UGT2B7: variants seen among roughly 807,000 people sequenced by gnomAD.
The protein encoded by UGT2B7 is UDP glucuronosyltransferase family 2 member B7.
A neutral mutation model predicts 51.9 loss-of-function variants in UGT2B7; 51 were observed. The ratio of observed to expected loss-of-function variants is 0.98; its 90% CI spans 0.78 to 1.24. The LOEUF is 1.24. UGT2B7 is among the 50% of genes most tolerant of loss of function. The pLI, the probability that UGT2B7 is intolerant of heterozygous loss-of-function variation, is 0.00. For synonymous variants in UGT2B7, 225 were observed against 211.6 expected, an observed-to-expected ratio of 1.06 and a Z score of -0.55; for missense variants, 727 against 628.4, an observed-to-expected ratio of 1.16 and a Z score of -1.68.
upstream of UGT2B7, chr4:69,096,449 A>G (rs1719223240): frequency 1.9e-6 from 3 of 1,593,982 alleles, no homozygotes; most frequent in Non-Finnish European, 2.6e-6. Context: ...TGGCTAATTT[A>G]TCTTTGGACA....
chr4:69,085,022 C>A (rs1291848479), intron 1 of UGT2B7, among the ~76,000 whole-genome samples: 1 of 152,068 alleles, frequency 6.6e-6, no homozygotes, highest in Non-Finnish European at 1.5e-5. Flanking sequence ...ATTTATAGTT[C>A]TAGATCCTTG....
In UGT2B7 at chr4:69,096,885, T is replaced by A; in HGVS notation, c.365T>A (p.Ile122Lys). 1 of 1,613,120 alleles carries A rather than the reference T, an allele frequency of 6.2e-7. No homozygotes were observed. Among genetic ancestry groups the A allele is most frequent in the Non-Finnish European group, 8.5e-7 (1 of 1,179,730 alleles). ...VQEIMSIFGD[I>K]TRKFCKDVVS... Reference sequence around the variant, plus strand: ...GAAATCATGTCAATATTTGGTGACATAACTAGAAAGTTCTGTAAAGATGTA... The same window carrying A: ...GAAATCATGTCAATATTTGGTGACAAAACTAGAAAGTTCTGTAAAGATGTA... The change falls in exon 1 of 6, where the codon ATA (isoleucine) becomes AAA (lysine). Residue 122 changes from isoleucine to lysine, a missense_variant. By Grantham distance (102) the Ile-to-Lys change is moderately radical. Transcript: ENST00000305231.
intron 1 of UGT2B7, among the ~76,000 whole-genome samples, chr4:69,063,504 C>A (rs1432588508): frequency 6.6e-6 from 1 of 152,078 alleles, no homozygotes. Context: ...GTTAGACTTG[C>A]TGGCCCAGCA....
chr4:69,055,808 G>C (rs1718178004), intron 1 of UGT2B7, among the ~76,000 whole-genome samples: 1 of 152,162 alleles, frequency 6.6e-6, no homozygotes, highest in Non-Finnish European at 1.5e-5. Flanking sequence ...TTATTAGACA[G>C]TATTGCATAT....
At chr4:69,056,231 C>T (rs1312258776) in intron 1 of UGT2B7, among the ~76,000 whole-genome samples, 1 of 152,194 alleles carries the variant, frequency 6.6e-6, no homozygotes, top group Non-Finnish European at 1.5e-5. Context: ...TCATACAATA[C>T]TATGGACCTG....
At chr4:69,071,433 A>G (rs1362044240) in intron 1 of UGT2B7, among the ~76,000 whole-genome samples, 4 of 152,158 alleles carry the variant, frequency 2.6e-5, no homozygotes. Context: ...AAAACATAGT[A>G]AATGGCAAAA....
intron 1 of UGT2B7, among the ~76,000 whole-genome samples, chr4:69,087,697 G>A (rs1307225578): frequency 1.4e-5 from 2 of 145,878 alleles, no homozygotes; most frequent in Middle Eastern, 3.5e-3. Flanking sequence ...AATTGCTTCG[G>A]TAGGCTCAGT....
intron 1 of UGT2B7, among the ~76,000 whole-genome samples, chr4:69,084,408 AC>A (rs1473531631): frequency 2.8e-5 from 4 of 141,316 alleles, no homozygotes; most frequent in Admixed American, 1.5e-4. Flanking sequence ...TAAAGCATTT[AC>A]TTCTCTTTAA....
intron 1 of UGT2B7, among the ~76,000 whole-genome samples, chr4:69,057,995 G>T (rs1006395289): frequency 2.0e-5 from 3 of 152,180 alleles, no homozygotes; most frequent in Non-Finnish European, 2.9e-5. Flanking sequence ...TTAACTCATG[G>T]CTGAATGCAG....
At chr4:69,052,496 A>G (rs1340937628) in intron 1 of UGT2B7, among the ~76,000 whole-genome samples, 10 of 148,116 alleles carry the variant, frequency 6.8e-5, no homozygotes, top group Non-Finnish European at 1.5e-5. Flanking sequence ...GTAAATTCTA[A>G]TCTTGTGGCC....
intron 1 of UGT2B7, among the ~76,000 whole-genome samples, chr4:69,054,088 A>G (rs1341733548): frequency 6.6e-6 from 1 of 152,156 alleles, no homozygotes; most frequent in Non-Finnish European, 1.5e-5. Context: ...AGTGAATAAA[A>G]ATGTAGATTA....
At chr4:69,093,591 C>A (rs978205345), upstream of UGT2B7, among the ~76,000 whole-genome samples, 1 of 152,184 alleles carries the variant, frequency 6.6e-6, no homozygotes, top group Non-Finnish European at 1.5e-5. Flanking sequence ...AAAGGCATCA[C>A]GTCTCTACAC....
At chr4:69,056,162 C>CA (rs1404683925) in intron 1 of UGT2B7, among the ~76,000 whole-genome samples, 2 of 151,998 alleles carry the variant, frequency 1.3e-5, no homozygotes, top group East Asian at 1.9e-4. Flanking sequence ...ATGCTTCCCA[C>CA]AAAAAAGGAA....
At chr4:69,087,116 G>GTC (rs1215477701) in intron 1 of UGT2B7, among the ~76,000 whole-genome samples, 1 of 145,258 alleles carries the variant, frequency 6.9e-6, no homozygotes, top group African/African-American at 2.5e-5. Context: ...CTCTCACTCT[G>GTC]TCTCTCTCTC....
At chr4:69,102,401 A>G (rs1275399655) in intron 2 of UGT2B7, among the ~76,000 whole-genome samples, 1 of 152,154 alleles carries the variant, frequency 6.6e-6, no homozygotes, top group Non-Finnish European at 1.5e-5. Flanking sequence ...AACACAAGGG[A>G]TTTAGTAGAA....
At chr4:69,108,930 T>A (rs188813581) in intron 5 of UGT2B7, among the ~76,000 whole-genome samples, 2 of 152,202 alleles carry the variant, frequency 1.3e-5, no homozygotes, top group African/African-American at 4.8e-5. Context: ...CTGGTCTAAC[T>A]AATTTGTTTC....
chr4:69,074,877 T>C (rs1179478891), intron 1 of UGT2B7, among the ~76,000 whole-genome samples: 2 of 152,162 alleles, frequency 1.3e-5, no homozygotes, highest in Non-Finnish European at 2.9e-5. Context: ...TATATGTCTT[T>C]TGACATCATT....
At chr4:69,086,345 T>A (rs1342052360) in intron 1 of UGT2B7, among the ~76,000 whole-genome samples, 1 of 151,828 alleles carries the variant, frequency 6.6e-6, no homozygotes, top group Non-Finnish European at 1.5e-5. Flanking sequence ...TGGAAAAAAA[T>A]TGACACCATT....
intron 1 of UGT2B7, chr4:69,067,540 G>C (rs72642961): frequency 0.18 from 28,428 of 155,208 alleles, 2,961 homozygotes; most frequent in Admixed American, 0.3. Flanking sequence ...AAGGCTAAGG[G>C]GGAAGCTGTT....
Sources: gnomAD v4.1 joint callset for allele counts (sites outside exome capture counted in the v4.1 genomes callset) on GRCh38, gnomAD v4.1.1 for gene constraint, MANE v1.5 for transcripts, NCBI Gene and HGNC (gene_info 2026-07-23, HGNC 2026-07-21) for gene names.